The following CEP95 variants were observed in gnomAD, a reference collection of about 807,000 sequenced individuals.
CEP95 encodes the protein centrosomal protein 95.
CEP95 carries 98 observed loss-of-function variants against 111.2 expected under a neutral mutation model. The ratio of observed to expected loss-of-function variants is 0.88; its 90% CI spans 0.75 to 1.04. CEP95 has a LOEUF of 1.04. CEP95 is among the 50% of genes least tolerant of loss of function. CEP95 has a pLI of 0.00. For missense variants in CEP95, 1,027 were observed against 977.2 expected (o/e 1.05, Z -0.68); for synonymous variants, 323 against 327.1 (o/e 0.99, Z 0.14).
intron 11 of CEP95, among the ~76,000 whole-genome samples, chr17:64,527,868 G>GTATATATA (rs565017430): frequency 1.7e-5 from 2 of 120,698 alleles, no homozygotes; most frequent in African/African-American, 6.8e-5. Flanking sequence ...GTGTGTGTGT[G>GTATATATA]TGTATATATA....
intron 1 of CEP95, chr17:64,507,770 C>G: frequency 3.0e-6 from 3 of 985,546 alleles, no homozygotes; most frequent in Non-Finnish European, 2.4e-6. Context: ...TCATTCGTTT[C>G]CAGAACGTTA....
rs782247724 is a variant in CEP95, at chr17:64,529,282, T to C, written c.1307-6T>C. The stretch of plus-strand genomic sequence containing the variant: ...ACTAATGTTATATGTCTTTTCTCTG[T>C]TGCAGGACTTTCCATGCGTAGAAAG... On this transcript the variant is annotated splice_region_variant and splice_polypyrimidine_tract_variant and intron_variant, in intron 11 of 19. Transcript: ENST00000556440. 15 of 1,609,260 alleles carry C rather than the reference T, an allele frequency of 9.3e-6. No individual in the cohort carries two copies. Among genetic ancestry groups the C allele is most frequent in the Non-Finnish European group, 3.4e-6 (4 of 1,178,276 alleles).
At chr17:64,507,554 C>G in intron 1 of CEP95, 2 of 1,050,636 alleles carry the variant, frequency 1.9e-6, no homozygotes, top group Non-Finnish European at 2.3e-6. Context: ...GAATATGCCC[C>G]TGTAGAATAG....
At chr17:64,510,403 G>A (rs553440781) in intron 3 of CEP95, 123 bp downstream of exon 3, 30 of 652,828 alleles carry the variant, frequency 4.6e-5, no homozygotes, top group Non-Finnish European at 7.1e-5. Flanking sequence ...GTAAGATTGA[G>A]CTAAGACAAT....
At chr17:64,527,390 A>G (rs983373675) in intron 11 of CEP95, 126 bp downstream of exon 11, 1 of 646,074 alleles carries the variant, frequency 1.5e-6, no homozygotes. Context: ...ATCAAAAGTA[A>G]TATCAAACAC....
At position 64,537,082 on chromosome 17, in the gene CEP95, A is replaced by T; in HGVS notation, c.2259A>T (p.Glu753Asp). Residue 753 changes from glutamate to aspartate, a missense_variant, in exon 19 of 20, where the codon GAA becomes GAT. Coordinates refer to ENST00000556440, the MANE Select transcript of CEP95 (RefSeq NM_138363.3). Reference protein sequence around the residue: ...LAEAISQEHQELKAREKSQAQ... With the variant: ...LAEAISQEHQDLKAREKSQAQ... ...AAGCCATATCACAGGAACATCAAGA[A>T]CTTAAAGCCAGAGAGAAATCTCAGG... 1.9e-6 allele frequency: 3 copies of T among 1,613,262 alleles called. No individual in the cohort carries two copies. Among genetic ancestry groups the T allele is most frequent in the Non-Finnish European group, 1.7e-6 (2 of 1,179,572 alleles).
At position 64,508,129 on chromosome 17, in the gene CEP95, C is replaced by T. The variant is rs924922385; in HGVS notation, c.20-463C>T. On this transcript the variant is annotated intron_variant, in intron 1 of 19. Coordinates refer to ENST00000556440, the MANE Select transcript of CEP95 (RefSeq NM_138363.3). ...CCACTTTTTCCGGCACCAGAGAAAC[C>T]CTGACTTGCACAAGATAATTGGGTA... is the stretch of plus-strand genomic sequence containing the variant. 10 of 985,424 alleles carry T rather than the reference C, an allele frequency of 1.0e-5. No homozygotes were observed. In the African/African-American group the frequency reaches 1.4e-4, roughly 14 times the overall value. The allele number at this position is 985,424 out of a possible 1,614,324, so 61.0% of individuals were successfully genotyped here.
At chr17:64,523,445 A>C (rs782789679) in intron 8 of CEP95, among the ~76,000 whole-genome samples, 4 of 152,066 alleles carry the variant, frequency 2.6e-5, no homozygotes, top group African/African-American at 9.7e-5. Flanking sequence ...ATAACCATCC[A>C]TGCATATTCC....
intron 17 of CEP95, 100 bp from the exon 18 acceptor site, chr17:64,536,501 AT>A: frequency 1.4e-5 from 11 of 807,524 alleles, no homozygotes; most frequent in Non-Finnish European, 9.6e-6. Context: ...TAAAACTAGT[AT>A]TTAAAAAAAA....
chr17:64,532,998 TC>T lies in CEP95; in HGVS notation c.1834del (p.Gln612LysfsTer4). The T allele has an allele frequency of 6.2e-7, 1 of 1,611,296 alleles. No homozygotes were observed. Among genetic ancestry groups the T allele is most frequent in the African/African-American group, 1.3e-5 (1 of 74,722 alleles). On this transcript the variant is annotated frameshift_variant, in exon 15 of 20. Coordinates refer to ENST00000556440, the MANE Select transcript of CEP95 (RefSeq NM_138363.3). LOFTEE classifies it high-confidence loss of function. ...AGAGAAAATCGATCAAAGAAGAAAC[TC>T]CAAGATGAAGTAAGTTACTGTCAGT... is the stretch of plus-strand genomic sequence containing the variant. ...ACRENRSKKK[L>X]QDEIEEALRR...
At chr17:64,533,498 TTGGGAGGCTGAAG>T (rs1598247958) in intron 16 of CEP95, among the ~76,000 whole-genome samples, 1 of 152,142 alleles carries the variant, frequency 6.6e-6, no homozygotes, top group East Asian at 1.9e-4. Context: ...TCCCAGCTAC[TTGGGAGGCTGAAG>T]TGGGAGGATC....
At chr17:64,534,336 T>G in intron 16 of CEP95, 1 of 376,670 alleles carries the variant, frequency 2.7e-6, no homozygotes, top group Non-Finnish European at 4.8e-6. Context: ...GCATGGGGAG[T>G]GAGCCCTCAG....
In CEP95 at chr17:64,525,275, C is replaced by T. The variant is rs572217317; in HGVS notation, c.910-495C>T. Reference sequence around the variant, plus strand: ...AGGAGAATCGCTTGAACCTGGGAGGCGGATCAAGCCATTGCACTCCAGCCT... The same window carrying T: ...AGGAGAATCGCTTGAACCTGGGAGGTGGATCAAGCCATTGCACTCCAGCCT... On this transcript the variant is annotated intron_variant, in intron 8 of 19. Coordinates refer to ENST00000556440, the MANE Select transcript of CEP95 (RefSeq NM_138363.3). Among the ~76,000 whole-genome samples the T allele has an allele frequency of 4.0e-5, 6 of 151,470 alleles. No homozygotes were observed. The South Asian group carries it at 8.4e-4, about 21-fold the overall frequency.
chr17:64,506,886 C>T (rs550095557), upstream of CEP95: 25 of 650,966 alleles, frequency 3.8e-5, no homozygotes, highest in Admixed American at 7.1e-5. Context: ...CCCAAACCGC[C>T]CCCGTTTCAC....
chr17:64,517,576 C>T (rs1966967603), intron 5 of CEP95, among the ~76,000 whole-genome samples: 1 of 151,832 alleles, frequency 6.6e-6, no homozygotes, highest in Non-Finnish European at 1.5e-5. Context: ...CAGGGTCTTG[C>T]TCTGACACTC....
chr17:64,512,764 A>G (rs1409844579), intron 3 of CEP95, among the ~76,000 whole-genome samples: 7 of 152,186 alleles, frequency 4.6e-5, no homozygotes, highest in African/African-American at 9.7e-5. Flanking sequence ...GTGAATGGGT[A>G]AATCAGTTCG....
chr17:64,515,482 C>T (rs797024801), intron 4 of CEP95, among the ~76,000 whole-genome samples: 6 of 152,170 alleles, frequency 3.9e-5, no homozygotes, highest in East Asian at 1.9e-4. Context: ...AGTGCTTGCT[C>T]GCAGGAAGGG....
Position 64,537,671 on chromosome 17 carries a change from G to T in CEP95, c.2358G>T (p.Met786Ile), listed in dbSNP as rs544761018. 6.2e-7 allele frequency: 1 copy of T among 1,613,394 alleles called. No individual in the cohort carries two copies. The highest frequency in any genetic ancestry group is 1.3e-5 in the African/African-American group (1 of 74,932). The change falls in exon 20 of 20, where the codon ATG becomes ATT. Residue 786 changes from methionine to isoleucine, a missense_variant. Coordinates refer to ENST00000556440, the MANE Select transcript of CEP95 (RefSeq NM_138363.3). The part of the protein sequence containing the change: ...MEKEIQQLQD[M>I]ITQNDDDVFF... ...AGGAAATTCAGCAGCTGCAGGACAT[G>T]ATAACACAGAATGATGATGATGTTT...
rs1043607654 is a variant in CEP95 at position 64,532,924 on chromosome 17, G to T, written c.1758G>T (p.Met586Ile). Residue 586 changes from methionine (M) to isoleucine (I), a missense_variant, in exon 15 of 20, where the codon ATG becomes ATT. Transcript: ENST00000556440. Reference protein sequence around the residue: ...LYVSGPTLSKMWKQQIAQVEQ... With the variant: ...LYVSGPTLSKIWKQQIAQVEQ... ...TTTCTGGCCCAACACTAAGCAAAAT[G>T]TGGAAACAGCAAATTGCACAGGTTG... 3 of 1,613,792 alleles carry T rather than the reference G, an allele frequency of 1.9e-6. No individual in the cohort carries two copies. The highest frequency in any genetic ancestry group is 2.5e-6 in the Non-Finnish European group (3 of 1,179,862).
Sources: gnomAD v4.1 joint callset for allele counts (sites outside exome capture counted in the v4.1 genomes callset) on GRCh38, gnomAD v4.1.1 for gene constraint, MANE v1.5 for transcripts, NCBI Gene and HGNC (gene_info 2026-07-23, HGNC 2026-07-21) for gene names.